Variants in POC1A observed in about 807,000 individuals in gnomAD.
The protein encoded by POC1A is POC1 centriolar protein homolog A.
Under a neutral mutation model 47.8 loss-of-function variants are expected in POC1A, and 34 were observed. That is an observed-to-expected ratio of 0.71 (90% confidence interval 0.54 to 0.95). The LOEUF is 0.95. Among genes scored for constraint, POC1A ranks in the 40% least tolerant of loss-of-function variants. POC1A has a pLI of 0.00. For missense variants in POC1A, 466 were observed against 528.3 expected, an observed-to-expected ratio of 0.88 and a Z score of 1.16; for synonymous variants, 177 against 207.6, an observed-to-expected ratio of 0.85 and a Z score of 1.27.
Position 52,147,053 on chromosome 3 carries a change from G to T in POC1A, c.498C>A (p.Asp166Glu), listed in dbSNP as rs1200549706. ...TCTTGTCCCACAGCTTAACAGTCTTGTCATCACTGGCAGACACGATGAGCC... is the reference window on the plus strand; with the variant it reads ...TCTTGTCCCACAGCTTAACAGTCTTTTCATCACTGGCAGACACGATGAGCC... ...DGRLIVSASD[D>E]KTVKLWDKSS... The change falls in exon 5 of 11, where the codon GAC becomes GAA. Residue 166 changes from aspartate (D) to glutamate (E), a missense_variant. Coordinates refer to ENST00000296484, the MANE Select transcript of POC1A (RefSeq NM_015426.5). 1 of 1,614,144 alleles carries T rather than the reference G, an allele frequency of 6.2e-7. No individual in the cohort carries two copies. The highest frequency in any genetic ancestry group is 1.7e-5 in the Admixed American group (1 of 60,022).
intron 9 of POC1A, among the ~76,000 whole-genome samples, chr3:52,101,863 A>T (rs971063394): frequency 6.6e-6 from 1 of 152,186 alleles, no homozygotes; most frequent in Non-Finnish European, 1.5e-5. Context: ...GGGGAAAAAA[A>T]GGTCTTATTT....
intron 9 of POC1A, among the ~76,000 whole-genome samples, chr3:52,120,372 G>A (rs1055099549): frequency 1.2e-4 from 18 of 152,186 alleles, no homozygotes; most frequent in African/African-American, 4.1e-4. Context: ...TGGCATGTGT[G>A]TGTCAGTGAA....
intron 9 of POC1A, among the ~76,000 whole-genome samples, chr3:52,120,330 A>G (rs1262557846): frequency 1.3e-5 from 2 of 152,230 alleles, no homozygotes; most frequent in Non-Finnish European, 2.9e-5. Context: ...GGGAGTCCTC[A>G]GATTAGAGAA....
rs888981150 is a variant in POC1A at position 52,091,996 on chromosome 3, A to G, written c.1125+4573T>C. On this transcript the variant is annotated intron_variant, in intron 10 of 10. Transcript: ENST00000296484. ...CAGGCAGGTGGCTCACTGGGTGAAC[A>G]GAGCAGCCCTGAAACTCAAGGAGGA... is the stretch of plus-strand genomic sequence containing the variant. Among the ~76,000 whole-genome samples, 5 of 152,238 alleles carry G rather than the reference A, an allele frequency of 3.3e-5. 1 individual carries two copies. Among genetic ancestry groups the G allele is most frequent in the Admixed American group, 3.3e-4 (5 of 15,286 alleles).
chr3:52,077,505 G>A lies in POC1A; in HGVS notation c.1126-1520C>T, dbSNP rs56660645. ...GCTCTGAACCCTCTGTCACTGGACA[G>A]AGCCTGGAAAAATTGCTGCCCATGG... On this transcript the variant is annotated intron_variant, in intron 10 of 10. Coordinates refer to ENST00000296484, the MANE Select transcript of POC1A (RefSeq NM_015426.5). Among the ~76,000 whole-genome samples the A allele has an allele frequency of 6.5e-3, 985 of 152,338 alleles. 13 individuals are homozygous for A. Among genetic ancestry groups the A allele is most frequent in the African/African-American group, 0.023 (939 of 41,560 alleles).
Position 52,089,262 on chromosome 3 carries a change from A to G in POC1A, c.1125+7307T>C, listed in dbSNP as rs190521276. ...TTGCAAAGCCAGAGGAGCCTTTGGG[A>G]AAAATGCCAAAAATAGTAACAGGGC... On this transcript the variant is annotated intron_variant, in intron 10 of 10. Transcript: ENST00000296484. 1.9e-3 allele frequency among the ~76,000 whole-genome samples: 291 copies of G among 152,086 alleles called. 2 individuals are homozygous for G. The highest frequency in any genetic ancestry group is 6.5e-3 in the African/African-American group (270 of 41,484).
intron 7 of POC1A, among the ~76,000 whole-genome samples, chr3:52,131,907 C>T (rs1408196540): frequency 6.6e-6 from 1 of 152,076 alleles, no homozygotes; most frequent in African/African-American, 2.4e-5. Flanking sequence ...AATGGGGTGG[C>T]TAAGGCACCA....
At position 52,082,192 on chromosome 3, in the gene POC1A, G is replaced by A. The variant is rs959323091; in HGVS notation, c.1126-6207C>T. 9.1e-4 allele frequency among the ~76,000 whole-genome samples: 139 copies of A among 152,260 alleles called. 1 individual carries two copies. The highest frequency in any genetic ancestry group is 2.5e-3 in the African/African-American group (103 of 41,532). The stretch of plus-strand genomic sequence containing the variant: ...GGGTGAGGAGGGAAGGAAGAGGGGG[G>A]AGTGGGGAGGGCAGTGGACCCACAA... On this transcript the variant is annotated intron_variant, in intron 10 of 10. Coordinates refer to ENST00000296484, the MANE Select transcript of POC1A (RefSeq NM_015426.5).
chr3:52,126,453 G>A (rs765021086), intron 7 of POC1A, among the ~76,000 whole-genome samples: 18 of 152,174 alleles, frequency 1.2e-4, no homozygotes, highest in Non-Finnish European at 2.1e-4. Context: ...TCCTCTCAGA[G>A]GTGCTCATAA....
At chr3:52,106,651 T>A (rs1003739976) in intron 9 of POC1A, among the ~76,000 whole-genome samples, 8 of 152,140 alleles carry the variant, frequency 5.3e-5, no homozygotes, top group African/African-American at 1.9e-4. Flanking sequence ...CATCTCCCCG[T>A]CCCCTCTCAG....
intron 7 of POC1A, among the ~76,000 whole-genome samples, chr3:52,136,570 G>A (rs556759340): frequency 2.4e-4 from 36 of 152,282 alleles, no homozygotes; most frequent in Admixed American, 1.0e-3. Flanking sequence ...TCGTTGGTTC[G>A]TTTCTCTTCT....
intron 9 of POC1A, among the ~76,000 whole-genome samples, chr3:52,110,271 TAGGAGAGTGCTCCAGGC>T (rs1363470916): frequency 2.0e-5 from 3 of 151,932 alleles, no homozygotes; most frequent in Non-Finnish European, 2.9e-5. Flanking sequence ...CTGCTCCAGG[TAGGAGAGTGCTCCAGGC>T]AGGTGGAGCA....
rs1313085438 is a variant in POC1A at position 52,079,113 on chromosome 3, C to G, written c.1126-3128G>C. On this transcript the variant is annotated intron_variant, in intron 10 of 10. Coordinates refer to ENST00000296484, the MANE Select transcript of POC1A (RefSeq NM_015426.5). The surrounding 1 kb of genome is among the most constrained non-coding windows in gnomAD (Gnocchi z 4.6). ...GTGTGGGGAGTACCCCTGGCACAGA[C>G]TGGTTTGGAGCCATATCACGTGGCC... Among the ~76,000 whole-genome samples, 1 of 152,252 alleles carries G rather than the reference C, an allele frequency of 6.6e-6. No individual in the cohort carries two copies. Among genetic ancestry groups the G allele is most frequent in the Non-Finnish European group, 1.5e-5 (1 of 68,044 alleles).
intron 6 of POC1A, among the ~76,000 whole-genome samples, chr3:52,141,621 T>C (rs1698196712): frequency 6.6e-6 from 1 of 152,170 alleles, no homozygotes. Flanking sequence ...ACAGCACCAC[T>C]GTACCCCAAT....
At chr3:52,097,533 C>G (rs1318805511) in intron 9 of POC1A, among the ~76,000 whole-genome samples, 1 of 152,180 alleles carries the variant, frequency 6.6e-6, no homozygotes, top group Non-Finnish European at 1.5e-5. Context: ...GATGCTGGAG[C>G]CAAGGATGTC....
At chr3:52,101,483 TA>T (rs1703005065) in intron 9 of POC1A, among the ~76,000 whole-genome samples, 1 of 152,142 alleles carries the variant, frequency 6.6e-6, no homozygotes, top group Non-Finnish European at 1.5e-5. Context: ...ATACAAAATT[TA>T]AAATAACTAT....
chr3:52,081,237 G>A (rs986357727), intron 10 of POC1A, among the ~76,000 whole-genome samples: 8 of 152,300 alleles, frequency 5.3e-5, no homozygotes, highest in Admixed American at 2.0e-4. Context: ...GCTGGCTTCC[G>A]TATGGTCTCT....
chr3:52,110,168 C>CA (rs1703331139), intron 9 of POC1A, among the ~76,000 whole-genome samples: 1 of 152,178 alleles, frequency 6.6e-6, no homozygotes, highest in African/African-American at 2.4e-5. Context: ...TTTTATGTGT[C>CA]AGACACATAC....
chr3:52,153,468 T>A (rs1228068345), intron 1 of POC1A, among the ~76,000 whole-genome samples: 2 of 152,128 alleles, frequency 1.3e-5, no homozygotes, highest in African/African-American at 4.8e-5. Flanking sequence ...CCTGTCAGAG[T>A]CTCCTTTCAA....
Sources: allele counts gnomAD v4.1 joint callset (sites outside exome capture counted in the v4.1 genomes callset), GRCh38; gene constraint gnomAD v4.1.1; non-coding constraint Gnocchi (gnomAD v3.1); transcripts MANE v1.5; gene names NCBI Gene and HGNC (gene_info 2026-07-23, HGNC 2026-07-21).